The following CHCHD3 variants were observed in gnomAD, a reference collection of about 807,000 sequenced individuals.
CHCHD3 encodes the protein MICOS complex subunit MIC19.
In CHCHD3, 20 loss-of-function variants were observed where a neutral mutation model predicts 38.2. The ratio of observed to expected loss-of-function variants is 0.52; its 90% CI spans 0.37 to 0.76. CHCHD3 has a LOEUF of 0.76. Ranked by LOEUF, CHCHD3 falls within the 30% of genes least tolerant of loss-of-function variation. The pLI, the probability that CHCHD3 is intolerant of heterozygous loss-of-function variation, is 0.00. For missense variants in CHCHD3, 245 were observed against 279.2 expected, an observed-to-expected ratio of 0.88 and a Z score of 0.87; for synonymous variants, 82 against 100.0, an observed-to-expected ratio of 0.82 and a Z score of 1.07.
chr7:132,845,807 T>C (rs766524093), intron 5 of CHCHD3, among the ~76,000 whole-genome samples: 8 of 152,344 alleles, frequency 5.3e-5, no homozygotes, highest in African/African-American at 1.2e-4. Flanking sequence ...AATCCTGTAC[T>C]TTCCGGCATG....
At chr7:132,858,812 T>A (rs1808409610) in intron 5 of CHCHD3, among the ~76,000 whole-genome samples, 1 of 152,176 alleles carries the variant, frequency 6.6e-6, no homozygotes. Flanking sequence ...ATACAGACAT[T>A]TTTTCTAAAT....
rs556819857 is a variant in CHCHD3, at chr7:133,000,168, C to T, written c.251+24378G>A. 9.9e-5 allele frequency among the ~76,000 whole-genome samples: 15 copies of T among 152,200 alleles called. No individual in the cohort carries two copies. The East Asian group carries it at 2.3e-3, about 24-fold the overall frequency. On this transcript the variant is annotated intron_variant, in intron 3 of 7. Transcript: ENST00000262570. The stretch of plus-strand genomic sequence containing the variant: ...TAATACTCTTCGTTCAATATGAGAC[C>T]TTAATTGCCACCAGAGTCATTGAGA...
intron 5 of CHCHD3, among the ~76,000 whole-genome samples, chr7:132,878,765 C>A (rs566179934): frequency 1.3e-5 from 2 of 152,104 alleles, no homozygotes; most frequent in East Asian, 3.9e-4. Context: ...TTTCTGCCTT[C>A]GTGGAACTTC....
At chr7:132,944,329 G>A (rs1046414189) in intron 4 of CHCHD3, among the ~76,000 whole-genome samples, 1 of 151,666 alleles carries the variant, frequency 6.6e-6, no homozygotes, top group African/African-American at 2.4e-5. Context: ...CTCTAGCAGG[G>A]CTGAGTGATC....
intron 5 of CHCHD3, among the ~76,000 whole-genome samples, chr7:132,868,549 C>T (rs1467486148): frequency 6.6e-6 from 1 of 152,076 alleles, no homozygotes; most frequent in South Asian, 2.1e-4. Flanking sequence ...GGTGATTTTG[C>T]TCTTTGGTGA....
chr7:132,821,033 T>TA (rs1417074733), intron 6 of CHCHD3, among the ~76,000 whole-genome samples: 1 of 152,178 alleles, frequency 6.6e-6, no homozygotes, highest in Non-Finnish European at 1.5e-5. Flanking sequence ...TGTTGGTTAA[T>TA]AATTTGACAG....
intron 4 of CHCHD3, among the ~76,000 whole-genome samples, chr7:132,960,212 C>T (rs1169792748): frequency 2.6e-5 from 4 of 151,710 alleles, no homozygotes; most frequent in Admixed American, 2.0e-4. Flanking sequence ...TGTCACTCTA[C>T]GGGACCAGTG....
At chr7:132,859,815 C>G (rs1808436457) in intron 5 of CHCHD3, among the ~76,000 whole-genome samples, 2 of 152,212 alleles carry the variant, frequency 1.3e-5, no homozygotes, top group African/African-American at 2.4e-5. Flanking sequence ...TACACTTGGT[C>G]TCTTAGCGAA....
chr7:132,974,068 T>C (rs995210541), intron 4 of CHCHD3: 12 of 1,242,240 alleles, frequency 9.7e-6, no homozygotes, highest in African/African-American at 7.8e-5. Flanking sequence ...TTATGTTGAA[T>C]ACAAAAGGCA....
chr7:133,079,976 A>T (rs920586708), intron 1 of CHCHD3, among the ~76,000 whole-genome samples: 1 of 152,214 alleles, frequency 6.6e-6, no homozygotes, highest in African/African-American at 2.4e-5. Flanking sequence ...ACAGGATTTC[A>T]GGACTGGAAA....
intron 2 of CHCHD3, among the ~76,000 whole-genome samples, chr7:133,050,590 T>C (rs145773129): frequency 1.3e-5 from 2 of 152,276 alleles, no homozygotes; most frequent in Admixed American, 6.5e-5. Flanking sequence ...TCATTTCACT[T>C]AAATTTTCCT....
intron 3 of CHCHD3, among the ~76,000 whole-genome samples, chr7:132,998,801 G>A (rs1482526116): frequency 6.6e-6 from 1 of 151,990 alleles, no homozygotes; most frequent in Admixed American, 6.6e-5. Flanking sequence ...CAGCAAAGTT[G>A]GTCAATGAGT....
intron 3 of CHCHD3, among the ~76,000 whole-genome samples, chr7:132,991,861 C>T (rs1812292381): frequency 6.6e-6 from 1 of 152,100 alleles, no homozygotes; most frequent in Non-Finnish European, 1.5e-5. Flanking sequence ...CTCAGGGGTG[C>T]TTCCCCTCCT....
At chr7:132,820,106 C>T (rs1807306999) in intron 6 of CHCHD3, among the ~76,000 whole-genome samples, 2 of 152,116 alleles carry the variant, frequency 1.3e-5, no homozygotes, top group Admixed American at 1.3e-4. Context: ...GATGGATGAG[C>T]ATCTTGTGGT....
Position 133,035,643 on chromosome 7 carries a change from G to A in CHCHD3, c.170-11016C>T, listed in dbSNP as rs1264887285. 5 of 1,611,080 alleles carry A rather than the reference G, an allele frequency of 3.1e-6. No individual in the cohort carries two copies. In the Admixed American group the frequency reaches 6.7e-5, roughly 22 times the overall value. ...AAAGCTCACCCACTGCACCACCTGG[G>A]CTGCTGCCTCTGGAGTACTTCCCCG... On this transcript the variant is annotated intron_variant, in intron 2 of 7. Coordinates refer to ENST00000262570, the MANE Select transcript of CHCHD3 (RefSeq NM_017812.4). The surrounding 1 kb of genome is among the most constrained non-coding windows in gnomAD (Gnocchi z 4.7).
intron 2 of CHCHD3, among the ~76,000 whole-genome samples, chr7:133,048,680 TA>T (rs2117495650): frequency 6.6e-6 from 1 of 152,278 alleles, no homozygotes; most frequent in African/African-American, 2.4e-5. Context: ...AACTCCCCCC[TA>T]AAACAATTGA....
intron 3 of CHCHD3, among the ~76,000 whole-genome samples, chr7:133,013,638 G>C (rs894307831): frequency 6.6e-6 from 1 of 152,058 alleles, no homozygotes; most frequent in African/African-American, 2.4e-5. Flanking sequence ...CGGTCTACTT[G>C]AATCTATATA....
At chr7:133,036,002 C>T (rs1447400735) in intron 2 of CHCHD3, 1 of 903,570 alleles carries the variant, frequency 1.1e-6, no homozygotes, top group African/African-American at 1.6e-5. Context: ...TTTAATGAAA[C>T]TAGTAATTAG....
chr7:132,852,832 C>T (rs1432950327), intron 5 of CHCHD3, among the ~76,000 whole-genome samples: 1 of 152,126 alleles, frequency 6.6e-6, no homozygotes, highest in Non-Finnish European at 1.5e-5. Context: ...TTGCCTAGAA[C>T]CTGACTTTTT....
Sources: gnomAD v4.1 joint callset for allele counts (sites outside exome capture counted in the v4.1 genomes callset) on GRCh38, gnomAD v4.1.1 for gene constraint, Gnocchi (gnomAD v3.1) non-coding constraint, MANE v1.5 for transcripts, NCBI Gene and HGNC (gene_info 2026-07-23, HGNC 2026-07-21) for gene names.